Variants in LRRK2 observed in about 807,000 individuals in gnomAD.
LRRK2 encodes leucine-rich repeat serine/threonine-protein kinase 2.
LRRK2 carries 203 observed loss-of-function variants against 302.6 expected under a neutral mutation model. That is an observed-to-expected ratio of 0.67 (90% CI 0.60 to 0.75). The LOEUF (loss-of-function observed/expected upper bound fraction) is 0.75. Among genes scored for constraint, LRRK2 ranks in the 30% least tolerant of loss-of-function variants. The pLI is 0.00. For missense variants in LRRK2, 2,830 were observed against 2,951.0 expected (o/e 0.96, Z 0.95); for synonymous variants, 1,066 against 1,031.9 (o/e 1.03, Z -0.63).
At chr12:40,294,199 A>G (rs548327751) in intron 21 of LRRK2, among the ~76,000 whole-genome samples, 1 of 151,306 alleles carries the variant, frequency 6.6e-6, no homozygotes, top group South Asian at 2.1e-4. Flanking sequence ...TCAATCATCT[A>G]TCTATTTTGG....
At position 40,351,571 on chromosome 12, in the gene LRRK2, C is replaced by G. The variant is rs201942181; in HGVS notation, c.6414C>G (p.Val2138=). The change falls in exon 44 of 51, where the codon GTC becomes GTG. Residue 2138 remains valine (V), a synonymous_variant. Coordinates refer to ENST00000298910, the MANE Select transcript of LRRK2 (RefSeq NM_198578.4). ...VFDILNSAEL[V]CLTRRILLPK... ...ACATTTTGAATTCAGCTGAATTAGT[C>G]TGTCTGACGAGACGCATTTTATTAC... 14 of 1,614,124 alleles carry G rather than the reference C, an allele frequency of 8.7e-6. No homozygotes were observed. Among genetic ancestry groups the G allele is most frequent in the Non-Finnish European group, 1.2e-5 (14 of 1,180,026 alleles).
At position 40,334,828 on chromosome 12, in the gene LRRK2, C is replaced by T. The variant is rs144319082; in HGVS notation, c.5758-139C>T. 7.0e-6 allele frequency: 7 copies of T among 999,628 alleles called. No homozygotes were observed. In the South Asian group the frequency reaches 9.7e-5, roughly 14 times the overall value. The allele number at this position is 999,628 out of a possible 1,614,324, so 61.9% of individuals were successfully genotyped here. On this transcript the variant is annotated intron_variant, in intron 39 of 50. Transcript: ENST00000298910. ...TACTGAAAATACGGGAAAAAAAACT[C>T]AGAGAAGAAATGGAAAGTTTGCTAT...
At chr12:40,305,424 T>G (rs1269094322) in intron 27 of LRRK2, among the ~76,000 whole-genome samples, 2 of 152,160 alleles carry the variant, frequency 1.3e-5, no homozygotes, top group Non-Finnish European at 2.9e-5. Context: ...TTCTTGCCTT[T>G]ACTGAAGGAG....
chr12:40,302,994 T>C (rs1193720722), intron 26 of LRRK2, 112 bp downstream of exon 26: 11 of 741,128 alleles, frequency 1.5e-5, no homozygotes, highest in Admixed American at 7.4e-5. Flanking sequence ...CCTACTCAAC[T>C]TGATGTTTTT....
intron 2 of LRRK2, among the ~76,000 whole-genome samples, chr12:40,230,256 T>C (rs539885427): frequency 6.6e-6 from 1 of 152,262 alleles, no homozygotes; most frequent in East Asian, 1.9e-4. Context: ...CCAAAAGTAA[T>C]ATTGTAAAGA....
intron 25 of LRRK2, chr12:40,300,703 C>G (rs1321343449): frequency 2.3e-6 from 1 of 439,910 alleles, no homozygotes; most frequent in Non-Finnish European, 4.7e-6. Context: ...AAAGCAAACT[C>G]GGTCTCTGTC....
Position 40,363,492 on chromosome 12 carries a change from G to A in LRRK2, c.7119G>A (p.Val2373=). The change falls in exon 48 of 51, where the codon GTG becomes GTA. Residue 2373 remains valine (V), a synonymous_variant. Coordinates refer to ENST00000298910, the MANE Select transcript of LRRK2 (RefSeq NM_198578.4). ...LYIAKQNSPV[V]EVWDKKTEKL... ...TTGCTAAGCAAAATAGCCCTGTTGTGGAAGTGTGGGATAAGAAAACTGAAA... is the reference window on the plus strand; with the variant it reads ...TTGCTAAGCAAAATAGCCCTGTTGTAGAAGTGTGGGATAAGAAAACTGAAA... 6.2e-7 allele frequency: 1 copy of A among 1,612,066 alleles called. No individual in the cohort carries two copies.
intron 40 of LRRK2, among the ~76,000 whole-genome samples, chr12:40,339,086 A>G (rs1456484509): frequency 6.6e-6 from 1 of 152,126 alleles, no homozygotes; most frequent in Admixed American, 6.5e-5. Context: ...AATAATATGT[A>G]CTCTCCAGGC....
Position 40,279,463 on chromosome 12 carries a change from C to T in LRRK2, c.2241+1202C>T, listed in dbSNP as rs143017101. 3.8e-4 allele frequency among the ~76,000 whole-genome samples: 58 copies of T among 152,036 alleles called. 1 individual carries two copies. Among genetic ancestry groups the T allele is most frequent in the African/African-American group, 1.2e-3 (49 of 41,500 alleles). Reference sequence around the variant, plus strand: ...CAAGCAACAATTAAAATAGTTGCTCCGCTTTACTAAAGATAATTAAATTTT... The same window carrying T: ...CAAGCAACAATTAAAATAGTTGCTCTGCTTTACTAAAGATAATTAAATTTT... On this transcript the variant is annotated intron_variant, in intron 18 of 50. Transcript: ENST00000298910.
At position 40,347,034 on chromosome 12, in the gene LRRK2, TG is replaced by T. The variant is rs201886108; in HGVS notation, c.6280+112del. 302 of 666,138 alleles carry T rather than the reference TG, an allele frequency of 4.5e-4. 1 individual carries two copies. The African/African-American group carries it at 4.9e-3, about 11-fold the overall frequency. The allele number at this position is 666,138 out of a possible 1,614,324, so 41.3% of individuals were successfully genotyped here. A position where few individuals can be genotyped will look rare whatever the true frequency, so the allele number is the denominator to read the frequency against. On this transcript the variant is annotated intron_variant, in intron 42 of 50. Coordinates refer to ENST00000298910, the MANE Select transcript of LRRK2 (RefSeq NM_198578.4). The stretch of plus-strand genomic sequence containing the variant: ...TCCTTAAACAGATGATCATTTTTTT[TG>T]TTTAGTGCATAAATATTCTTAAATC...
intron 2 of LRRK2, among the ~76,000 whole-genome samples, chr12:40,230,482 C>T (rs1177001908): frequency 5.3e-5 from 8 of 152,142 alleles, no homozygotes; most frequent in Admixed American, 5.2e-4. Flanking sequence ...AGCCTACTCT[C>T]CTCACCGCTC....
intron 19 of LRRK2, among the ~76,000 whole-genome samples, chr12:40,285,752 AG>A (rs1943900076): frequency 6.6e-6 from 1 of 152,002 alleles, no homozygotes; most frequent in Non-Finnish European, 1.5e-5. Context: ...GCAATCATTG[AG>A]GAAAAAAAAA....
intron 41 of LRRK2, among the ~76,000 whole-genome samples, chr12:40,345,124 T>G (rs1344449222): frequency 1.3e-5 from 2 of 152,174 alleles, no homozygotes; most frequent in African/African-American, 2.4e-5. Context: ...TTCGTTATAT[T>G]TTTCTGGCTG....
At chr12:40,307,081 T>C (rs1407538020) in intron 28 of LRRK2, among the ~76,000 whole-genome samples, 1 of 151,382 alleles carries the variant, frequency 6.6e-6, no homozygotes, top group Non-Finnish European at 1.5e-5. Context: ...TAACTAAATA[T>C]TTTTAAACAT....
At chr12:40,248,479 C>A (rs1467273627) in intron 7 of LRRK2, among the ~76,000 whole-genome samples, 3 of 151,906 alleles carry the variant, frequency 2.0e-5, no homozygotes, top group Non-Finnish European at 4.4e-5. Context: ...AATCTTTTTT[C>A]TCTTGATTAT....
At position 40,302,455 on chromosome 12, in the gene LRRK2, T is replaced by C. The variant is rs558222944; in HGVS notation, c.3497-334T>C. Among the ~76,000 whole-genome samples the C allele has an allele frequency of 2.0e-5, 3 of 152,226 alleles. No homozygotes were observed. The East Asian group carries it at 5.8e-4, about 29-fold the overall frequency. On this transcript the variant is annotated intron_variant, in intron 25 of 50. Transcript: ENST00000298910. ...TATAGTTATTTAAGAGTAATTCTAG[T>C]TAATCTATATGGTATATAATAACAT...
At chr12:40,311,752 G>T (rs1380792954) in intron 31 of LRRK2, among the ~76,000 whole-genome samples, 1 of 152,136 alleles carries the variant, frequency 6.6e-6, no homozygotes, top group Non-Finnish European at 1.5e-5. Context: ...TGCCCAGGGA[G>T]AGAATTTGTA....
chr12:40,298,833 TA>T lies in LRRK2; in HGVS notation c.3348-275del, dbSNP rs1565727111. 6.6e-4 allele frequency among the ~76,000 whole-genome samples: 83 copies of T among 125,996 alleles called. 2 individuals carry two copies. Among genetic ancestry groups the T allele is most frequent in the Middle Eastern group, 3.9e-3 (1 of 258 alleles). 82.7% of individuals were successfully genotyped at this position (125,996 alleles called of 152,430 possible). A position where few individuals can be genotyped will look rare whatever the true frequency, so the allele number is the denominator to read the frequency against. ...ATTATAATATATAATACATATATTATATATATTTATTATATATAATACCTAT... is the reference window on the plus strand; with the variant it reads ...ATTATAATATATAATACATATATTATTATATTTATTATATATAATACCTAT... On this transcript the variant is annotated intron_variant, in intron 24 of 50. Transcript: ENST00000298910.
At chr12:40,251,840 C>T (rs1942288670) in intron 10 of LRRK2, among the ~76,000 whole-genome samples, 1 of 152,024 alleles carries the variant, frequency 6.6e-6, no homozygotes, top group South Asian at 2.1e-4. Context: ...TTTAAAATGC[C>T]ATATTAATTC....
Sources: gnomAD v4.1 joint callset for allele counts (sites outside exome capture counted in the v4.1 genomes callset) on GRCh38, gnomAD v4.1.1 for gene constraint, MANE v1.5 for transcripts, NCBI Gene and HGNC (gene_info 2026-07-23, HGNC 2026-07-21) for gene names.